The following STAU1 variants were observed in gnomAD, a reference collection of about 807,000 sequenced individuals.
The protein encoded by STAU1 is staufen double-stranded RNA binding protein 1.
STAU1 carries 13 observed loss-of-function variants against 62.9 expected under a neutral mutation model. That is an observed-to-expected ratio of 0.21 (90% CI 0.13 to 0.33). The LOEUF is 0.33. Among genes scored for constraint, STAU1 ranks in the 10% least tolerant of loss-of-function variants. The pLI, the probability that STAU1 is intolerant of heterozygous loss-of-function variation, is 1.00. For missense variants in STAU1, 571 were observed against 712.1 expected (o/e 0.80, Z 2.25); for synonymous variants, 269 against 265.1 (o/e 1.01, Z -0.14).
At chr20:49,137,081 T>C (rs1009566305) in intron 5 of STAU1, among the ~76,000 whole-genome samples, 3 of 152,162 alleles carry the variant, frequency 2.0e-5, no homozygotes, top group East Asian at 1.9e-4. Context: ...TGAGGATCAG[T>C]TGAGCCCAAT....
the STAU1 span, among the ~76,000 whole-genome samples, chr20:49,205,980 CT>C: frequency 2.3e-5 from 3 of 127,854 alleles, no homozygotes; most frequent in East Asian, 2.7e-4. Context: ...GGCTAATTTT[CT>C]TTTCTTTTTT....
Position 49,150,191 on chromosome 20 carries a change from A to G in STAU1, c.510+1391T>C, listed in dbSNP as rs1181697497. On this transcript the variant is annotated intron_variant, in intron 5 of 13. Coordinates refer to ENST00000371856, the MANE Select transcript of STAU1 (RefSeq NM_017453.4). Reference sequence around the variant, plus strand: ...TTCCCTAAGAATTATATTGCTATTTAGTCACAAAAATGTTAAAATCCTTTT... The same window carrying G: ...TTCCCTAAGAATTATATTGCTATTTGGTCACAAAAATGTTAAAATCCTTTT... Among the ~76,000 whole-genome samples, 8 of 152,300 alleles carry G rather than the reference A, an allele frequency of 5.3e-5. No homozygotes were observed. In the East Asian group the frequency reaches 1.5e-3, roughly 29 times the overall value.
At chr20:49,166,319 A>T (rs1302146379) in intron 2 of STAU1, 34 bp from the exon 3 acceptor site, 1 of 872,536 alleles carries the variant, frequency 1.1e-6, no homozygotes, top group African/African-American at 1.7e-5. Flanking sequence ...ATAAAAAGGT[A>T]AATTATAGAG....
chr20:49,163,923 C>T (rs1031951760), intron 3 of STAU1, among the ~76,000 whole-genome samples: 3 of 151,714 alleles, frequency 2.0e-5, no homozygotes, highest in African/African-American at 7.3e-5. Context: ...CACCATCAAG[C>T]CCAGCTAATT....
rs576853210 is a variant in STAU1, at chr20:49,182,236, A to G, written c.-160+5880T>C. Among the ~76,000 whole-genome samples, 3 of 152,348 alleles carry G rather than the reference A, an allele frequency of 2.0e-5. No homozygotes were observed. In the East Asian group the frequency reaches 5.8e-4, roughly 29 times the overall value. On this transcript the variant is annotated intron_variant, in intron 1 of 13. Coordinates refer to ENST00000371856, the MANE Select transcript of STAU1 (RefSeq NM_017453.4). Reference sequence around the variant, plus strand: ...TACTTCCATTTATCTGGTGACATAAATCACTGTTACATCAACCTTATTCAC... The same window carrying G: ...TACTTCCATTTATCTGGTGACATAAGTCACTGTTACATCAACCTTATTCAC...
At chr20:49,219,013 CA>C in the STAU1 span, among the ~76,000 whole-genome samples, 8,610 of 53,464 alleles carry the variant, frequency 0.16, 127 homozygotes, top group South Asian at 0.23. Flanking sequence ...AACCCTGCCT[CA>C]AAAAAAAAAA....
intron 5 of STAU1, among the ~76,000 whole-genome samples, chr20:49,143,360 G>A (rs1482233298): frequency 6.6e-6 from 1 of 152,120 alleles, no homozygotes; most frequent in Admixed American, 6.6e-5. Flanking sequence ...GAGAGGCCAC[G>A]GTGGGCGGAT....
chr20:49,167,253 G>C (rs2093539090), intron 2 of STAU1, among the ~76,000 whole-genome samples: 1 of 152,098 alleles, frequency 6.6e-6, no homozygotes, highest in South Asian at 2.1e-4. Flanking sequence ...GAACAGAAAT[G>C]ACAGGTCTCT....
chr20:49,216,002 T>G, the STAU1 span, among the ~76,000 whole-genome samples: 3 of 46,522 alleles, frequency 6.4e-5, no homozygotes, highest in African/African-American at 2.9e-4. Context: ...AGCAAGACTA[T>G]GTCTCAAAAA....
At chr20:49,171,382 CCTG>C (rs1368081780) in intron 2 of STAU1, among the ~76,000 whole-genome samples, 3 of 152,224 alleles carry the variant, frequency 2.0e-5, no homozygotes, top group African/African-American at 7.2e-5. Flanking sequence ...GCAAGTTCCG[CCTG>C]CCAGGTTCAC....
the STAU1 span, among the ~76,000 whole-genome samples, chr20:49,199,885 T>C: frequency 2.0e-5 from 3 of 152,110 alleles, no homozygotes; most frequent in African/African-American, 4.8e-5. Context: ...TATTTTTTTA[T>C]AATTTGTAGA....
chr20:49,201,071 A>AAAAAAAAAAAAAAAAAAAAAAAAAAAG, the STAU1 span, among the ~76,000 whole-genome samples: 4 of 104,566 alleles, frequency 3.8e-5, no homozygotes, highest in African/African-American at 6.0e-5. Flanking sequence ...AAAAAAAAAA[A>AAAAAAAAAAAAAAAAAAAAAAAAAAAG]AAGAAGAAGA....
chr20:49,215,681 AC>A, the STAU1 span, among the ~76,000 whole-genome samples: 1 of 152,152 alleles, frequency 6.6e-6, no homozygotes, highest in Non-Finnish European at 1.5e-5. Context: ...AGTAACATTC[AC>A]CTTGAGTCTC....
At chr20:49,167,640 A>T (rs984240132) in intron 2 of STAU1, among the ~76,000 whole-genome samples, 2 of 152,238 alleles carry the variant, frequency 1.3e-5, no homozygotes, top group African/African-American at 2.4e-5. Flanking sequence ...ACAAGTCGCC[A>T]GTGTCAAGAA....
intron 6 of STAU1, chr20:49,134,450 GCTC>G: frequency 2.0e-6 from 1 of 493,840 alleles, no homozygotes; most frequent in Non-Finnish European, 3.5e-6. Context: ...AAAAAAAAAA[GCTC>G]TGGGTTGAAA....
At chr20:49,127,592 G>T (rs530566302) in intron 6 of STAU1, among the ~76,000 whole-genome samples, 1 of 152,154 alleles carries the variant, frequency 6.6e-6, no homozygotes, top group Non-Finnish European at 1.5e-5. Flanking sequence ...TGTAATCCCA[G>T]TTACTTAAGA....
intron 13 of STAU1, 68 bp from the exon 14 acceptor site, chr20:49,114,961 TGAAAA>T: frequency 6.5e-7 from 1 of 1,528,696 alleles, no homozygotes; most frequent in Non-Finnish European, 9.0e-7. Context: ...CTGTTAAAAA[TGAAAA>T]GAAATTGGCA....
At chr20:49,134,554 A>G (rs1178011423) in intron 6 of STAU1, 25 of 1,287,524 alleles carry the variant, frequency 1.9e-5, no homozygotes, top group Non-Finnish European at 2.7e-5. Context: ...TACCTATCAG[A>G]AGTCAATTCA....
At chr20:49,158,003 C>T (rs1485570974) in intron 3 of STAU1, among the ~76,000 whole-genome samples, 4 of 151,310 alleles carry the variant, frequency 2.6e-5, no homozygotes, top group South Asian at 2.1e-4. Context: ...TTGAAGCGGC[C>T]GGGTGTGGTG....
Sources: allele counts gnomAD v4.1 joint callset (sites outside exome capture counted in the v4.1 genomes callset), GRCh38; gene constraint gnomAD v4.1.1; transcripts MANE v1.5; gene names NCBI Gene and HGNC (gene_info 2026-07-23, HGNC 2026-07-21).